PLA2R1: variants seen among roughly 807,000 people sequenced by gnomAD.
PLA2R1 encodes phospholipase A2 receptor 1, also known as secretory phospholipase A2 receptor.
In PLA2R1, 158 loss-of-function variants were observed where a neutral mutation model predicts 195.9. The ratio of observed to expected loss-of-function variants is 0.81; its 90% CI spans 0.71 to 0.92. PLA2R1 has a LOEUF of 0.92. Ranked by LOEUF, PLA2R1 falls within the 40% of genes least tolerant of loss-of-function variation. PLA2R1 has a pLI of 0.00. For synonymous variants in PLA2R1, 586 were observed against 598.2 expected (o/e 0.98, Z 0.30); for missense variants, 1,626 against 1,764.6 (o/e 0.92, Z 1.41).
At chr2:160,061,464 C>G (rs1186809849) in intron 1 of PLA2R1, among the ~76,000 whole-genome samples, 3 of 152,198 alleles carry the variant, frequency 2.0e-5, no homozygotes, top group African/African-American at 4.8e-5. Context: ...ACTGGGGCTT[C>G]TCTCCCTCAC....
At chr2:159,995,955 A>C (rs1293937422) in intron 11 of PLA2R1, among the ~76,000 whole-genome samples, 5 of 151,878 alleles carry the variant, frequency 3.3e-5, no homozygotes, top group Admixed American at 1.3e-4. Context: ...CATCCCTGTC[A>C]CTCATTTCAC....
Position 160,062,368 on chromosome 2 carries a change from C to G in PLA2R1, c.36G>C (p.Leu12=). The G allele has an allele frequency of 1.3e-6, 2 of 1,534,534 alleles. No individual in the cohort carries two copies. Among genetic ancestry groups the G allele is most frequent in the Admixed American group, 4.0e-5 (2 of 49,972 alleles). ...LLSPSLLLLL[L]LGAPRGCAEG... is the part of the protein sequence containing the mutation. ...CGGCGCAGCCCCGCGGCGCCCCCAG[C>G]AGCAGCAGCAGCAGCAGCGACGGCG... is the stretch of plus-strand genomic sequence containing the variant. Residue 12 remains leucine (L), a synonymous_variant, in exon 1 of 30, where the codon CTG becomes CTC. Coordinates refer to ENST00000283243, the MANE Select transcript of PLA2R1 (RefSeq NM_007366.5).
intron 28 of PLA2R1, 146 bp from the exon 29 acceptor site, chr2:159,942,305 T>C (rs187361589): frequency 3.5e-4 from 224 of 638,674 alleles, no homozygotes; most frequent in Non-Finnish European, 5.4e-4. Flanking sequence ...CACTCATTCA[T>C]TGATGTATTG....
chr2:159,970,826 A>G (rs1467641744), intron 17 of PLA2R1, among the ~76,000 whole-genome samples: 1 of 152,096 alleles, frequency 6.6e-6, no homozygotes, highest in Non-Finnish European at 1.5e-5. Flanking sequence ...GCTGGAAACC[A>G]TCAATCTCAG....
At chr2:159,926,128 C>A in the PLA2R1 span, among the ~76,000 whole-genome samples, 6 of 152,246 alleles carry the variant, frequency 3.9e-5, no homozygotes, top group Non-Finnish European at 8.8e-5. Flanking sequence ...GAAGCGGAAG[C>A]TTTCTGGCAG....
chr2:160,044,359 T>C (rs1694733209), intron 2 of PLA2R1, among the ~76,000 whole-genome samples: 2 of 151,962 alleles, frequency 1.3e-5, no homozygotes. Context: ...CCTCCATAGG[T>C]GGGGATGAGT....
At chr2:159,969,003 C>T (rs1474073451) in intron 19 of PLA2R1, among the ~76,000 whole-genome samples, 1 of 152,020 alleles carries the variant, frequency 6.6e-6, no homozygotes, top group South Asian at 2.1e-4. Context: ...TTTCATTGGG[C>T]CCATTTCTGG....
chr2:160,017,955 T>A (rs537772943), intron 8 of PLA2R1, among the ~76,000 whole-genome samples: 2 of 152,344 alleles, frequency 1.3e-5, no homozygotes, highest in African/African-American at 4.8e-5. Flanking sequence ...AGTTAAGAAC[T>A]GTTAGATGAA....
intron 10 of PLA2R1, 130 bp from the exon 11 acceptor site, chr2:160,005,951 A>G (rs760532119): frequency 1.5e-6 from 1 of 680,640 alleles, no homozygotes; most frequent in Non-Finnish European, 2.6e-6. Flanking sequence ...AACATGGAAC[A>G]GGAAAACACC....
intron 13 of PLA2R1, among the ~76,000 whole-genome samples, chr2:159,981,453 G>C (rs1048274416): frequency 5.9e-5 from 9 of 152,002 alleles, no homozygotes; most frequent in Non-Finnish European, 1.3e-4. Flanking sequence ...GCCCAGGTTG[G>C]AGTATAGTAG....
At chr2:160,005,561 A>G in intron 11 of PLA2R1, 91 bp downstream of exon 11, 1 of 1,034,876 alleles carries the variant, frequency 9.7e-7, no homozygotes, top group Non-Finnish European at 1.4e-6. Context: ...AGAAAACATT[A>G]AGAAAGAATC....
rs757199626 is a variant in PLA2R1, at chr2:160,013,291, G to A, written c.1636C>T (p.Pro546Ser). 13 of 1,604,452 alleles carry A rather than the reference G, an allele frequency of 8.1e-6. No homozygotes were observed. The highest frequency in any genetic ancestry group is 8.5e-6 in the Non-Finnish European group (10 of 1,171,522). The change falls in exon 10 of 30, where the codon CCT becomes TCT. Residue 546 changes from proline to serine, a missense_variant. Pro to Ser is a moderately conservative substitution (Grantham distance 74). Coordinates refer to ENST00000283243, the MANE Select transcript of PLA2R1 (RefSeq NM_007366.5). ...FDQASSGYYC[P>S]PALVTITNRF... ...TTTGTAATGGTTACAAGTGCAGGAG[G>A]ACAGTAATAACCGCTGGAAGCTTGG...
At position 160,009,394 on chromosome 2, in the gene PLA2R1, C is replaced by T. The variant is rs74946790; in HGVS notation, c.1665-3573G>A. Among the ~76,000 whole-genome samples, 234 of 152,166 alleles carry T rather than the reference C, an allele frequency of 1.5e-3. 7 individuals carry two copies. In the East Asian group the frequency reaches 0.039, roughly 26 times the overall value. On this transcript the variant is annotated intron_variant, in intron 10 of 29. Transcript: ENST00000283243. ...AGCCTTAAAACAGAATTTCCAGAAA[C>T]GAAATTCTGACACTACAACATGCTA...
intron 3 of PLA2R1, among the ~76,000 whole-genome samples, chr2:160,038,640 T>C (rs989785883): frequency 1.3e-5 from 2 of 152,144 alleles, no homozygotes; most frequent in Non-Finnish European, 2.9e-5. Context: ...TGGATCTTTT[T>C]GCCATTATGA....
intron 1 of PLA2R1, among the ~76,000 whole-genome samples, chr2:160,045,800 G>A (rs1366572008): frequency 6.6e-6 from 1 of 152,188 alleles, no homozygotes; most frequent in East Asian, 1.9e-4. Flanking sequence ...GGTGGGGCAG[G>A]CAGAAGCAGG....
intron 12 of PLA2R1, among the ~76,000 whole-genome samples, chr2:159,986,481 T>C (rs1189859545): frequency 6.6e-6 from 1 of 152,110 alleles, no homozygotes; most frequent in Non-Finnish European, 1.5e-5. Context: ...GCTAGGAACT[T>C]ACGCAGAAAC....
At chr2:160,060,192 G>A (rs1230062369) in intron 1 of PLA2R1, among the ~76,000 whole-genome samples, 2 of 152,188 alleles carry the variant, frequency 1.3e-5, no homozygotes, top group Non-Finnish European at 2.9e-5. Context: ...AAATGAGTGT[G>A]CATTTTTCTC....
chr2:160,058,195 G>A (rs1240217381), intron 1 of PLA2R1, among the ~76,000 whole-genome samples: 2 of 151,994 alleles, frequency 1.3e-5, no homozygotes, highest in South Asian at 2.1e-4. Context: ...GGTAGATAAA[G>A]CACATATTGC....
chr2:159,970,028 A>C (rs1381358963), intron 18 of PLA2R1, 120 bp downstream of exon 18: 2 of 632,894 alleles, frequency 3.2e-6, no homozygotes, highest in Non-Finnish European at 5.4e-6. Flanking sequence ...TAGAGAAGTG[A>C]AAATTTATAA....
Sources: allele counts gnomAD v4.1 joint callset (sites outside exome capture counted in the v4.1 genomes callset), GRCh38; gene constraint gnomAD v4.1.1; transcripts MANE v1.5; gene names NCBI Gene and HGNC (gene_info 2026-07-23, HGNC 2026-07-21).